ELK4: variants seen among roughly 807,000 people sequenced by gnomAD.
The protein encoded by ELK4 is ETS transcription factor ELK4.
ELK4 carries 16 observed loss-of-function variants against 29.6 expected under a neutral mutation model. The observed-to-expected ratio is 0.54, with a 90% CI of 0.37 to 0.82. The LOEUF is 0.82. Among genes scored for constraint, ELK4 ranks in the 40% least tolerant of loss-of-function variants. ELK4 has a pLI of 0.00. For missense variants in ELK4, 465 were observed against 507.1 expected (o/e 0.92, Z 0.80); for synonymous variants, 213 against 191.1 (o/e 1.11, Z -0.95).
rs1670115188 is a variant in ELK4 at position 205,609,122 on chromosome 1, A to C, written c.*7424T>G. On this transcript the variant is annotated 3_prime_UTR_variant, in exon 5 of 5. Coordinates refer to ENST00000357992, the MANE Select transcript of ELK4 (RefSeq NM_001973.4). ...ATAATCTAACCTAGAGCTATTTCCC[A>C]TTAATCAAACTCATCCCTAATTGTC... 1 of 189,448 alleles carries C rather than the reference A, an allele frequency of 5.3e-6. No homozygotes were observed. The highest frequency in any genetic ancestry group is 1.9e-4 in the South Asian group (1 of 5,138). 11.7% of individuals were successfully genotyped at this position (189,448 alleles called of 1,614,324 possible).
Position 205,620,813 on chromosome 1 carries a change from T to A in ELK4, c.233A>T (p.Gln78Leu), listed in dbSNP as rs1366232764. ...AGAGACAAACTTGTACACAAACTTCTGACCATTCACTTTTTTGATGATATT... is the reference window on the plus strand; with the variant it reads ...AGAGACAAACTTGTACACAAACTTCAGACCATTCACTTTTTTGATGATATT... The part of the protein sequence containing the change: ...VKNIIKKVNG[Q>L]KFVYKFVSYP... Residue 78 changes from glutamine to leucine, a missense_variant, in exon 3 of 5, where the codon CAG becomes CTG. Coordinates refer to ENST00000357992, the MANE Select transcript of ELK4 (RefSeq NM_001973.4). 6.2e-7 allele frequency: 1 copy of A among 1,611,316 alleles called. No homozygotes were observed. Among genetic ancestry groups the A allele is most frequent in the Non-Finnish European group, 8.5e-7 (1 of 1,179,266 alleles).
At position 205,619,998 on chromosome 1, in the gene ELK4, T is replaced by C; in HGVS notation, c.1048A>G (p.Thr350Ala). The C allele has an allele frequency of 6.2e-7, 1 of 1,614,244 alleles. No individual in the cohort carries two copies. The highest frequency in any genetic ancestry group is 8.5e-7 in the Non-Finnish European group (1 of 1,180,048). The change falls in exon 3 of 5, where the codon ACA becomes GCA. Residue 350 changes from threonine (T) to alanine (A), a missense_variant. Physicochemically the swap from Thr to Ala is moderately conservative, Grantham distance 58 (BLOSUM62 0). Transcript: ENST00000357992. ...AAAAATGCTGGTGTAAGAGAAGCTG[T>C]AGGGAGAGATGGGCTCAGTATTCCC... ...PLGILSPSLP[T>A]ASLTPAFFSQ...
chr1:205,627,904 G>A (rs1413831523), intron 1 of ELK4, among the ~76,000 whole-genome samples: 1 of 152,184 alleles, frequency 6.6e-6, no homozygotes, highest in Non-Finnish European at 1.5e-5. Flanking sequence ...AATAATAAAG[G>A]ATAGAAAGGG....
Position 205,615,410 on chromosome 1 carries a change from A to C in ELK4, c.*1136T>G, listed in dbSNP as rs941850720. ...TGTCTCAAAAAAAAAAAAAAAAAAA[A>C]AAAAAGGAAATAAGCACATCTTCGC... On this transcript the variant is annotated 3_prime_UTR_variant, in exon 5 of 5. Coordinates refer to ENST00000357992, the MANE Select transcript of ELK4 (RefSeq NM_001973.4). The C allele has an allele frequency of 4.3e-5, 7 of 162,982 alleles. No homozygotes were observed. The highest frequency in any genetic ancestry group is 8.1e-5 in the Non-Finnish European group (6 of 74,512). 10.1% of individuals were successfully genotyped at this position (162,982 alleles called of 1,614,324 possible).
In ELK4 at chr1:205,609,618, G is replaced by A. The variant is rs1164081559; in HGVS notation, c.*6928C>T. On this transcript the variant is annotated 3_prime_UTR_variant, in exon 5 of 5. Transcript: ENST00000357992. Reference sequence around the variant, plus strand: ...TGTAAGCAATGAATGTACATACAAAGGCCACTGGTTAATACTGCCCCAAGT... The same window carrying A: ...TGTAAGCAATGAATGTACATACAAAAGCCACTGGTTAATACTGCCCCAAGT... 4.9e-6 allele frequency: 1 copy of A among 204,476 alleles called. No homozygotes were observed. The highest frequency in any genetic ancestry group is 1.0e-5 in the Non-Finnish European group (1 of 99,870). 12.7% of individuals were successfully genotyped at this position (204,476 alleles called of 1,614,324 possible). A position where few individuals can be genotyped will look rare whatever the true frequency, so the allele number is the denominator to read the frequency against.
At position 205,612,798 on chromosome 1, in the gene ELK4, A is replaced by C; in HGVS notation, c.*3748T>G. Reference sequence around the variant, plus strand: ...CCTGGAGTTACAGCTCCAGAATTCCAAACCTCTGATTTACTTAAGTCAGTC... The same window carrying C: ...CCTGGAGTTACAGCTCCAGAATTCCCAACCTCTGATTTACTTAAGTCAGTC... On this transcript the variant is annotated 3_prime_UTR_variant, in exon 5 of 5. Transcript: ENST00000357992. The C allele has an allele frequency of 4.8e-6, 1 of 208,536 alleles. No individual in the cohort carries two copies. Among genetic ancestry groups the C allele is most frequent in the Non-Finnish European group, 9.8e-6 (1 of 102,448 alleles). 12.9% of individuals were successfully genotyped at this position (208,536 alleles called of 1,614,324 possible). A position where few individuals can be genotyped will look rare whatever the true frequency, so the allele number is the denominator to read the frequency against.
Position 205,615,950 on chromosome 1 carries a change from AG to A in ELK4, c.*595del. The A allele has an allele frequency of 4.6e-6, 1 of 219,220 alleles. No homozygotes were observed. Among genetic ancestry groups the A allele is most frequent in the Non-Finnish European group, 9.1e-6 (1 of 109,346 alleles). 13.6% of individuals were successfully genotyped at this position (219,220 alleles called of 1,614,324 possible). On this transcript the variant is annotated 3_prime_UTR_variant, in exon 5 of 5. Coordinates refer to ENST00000357992, the MANE Select transcript of ELK4 (RefSeq NM_001973.4). ...AGGTAAACAAGATGCCTTTTCATGG[AG>A]TTGCTTACACGTTATAGTTCACACA...
intron 3 of ELK4, 43 bp from the exon 4 acceptor site, chr1:205,619,116 G>A (rs1442556151): frequency 6.9e-7 from 1 of 1,448,020 alleles, no homozygotes; most frequent in East Asian, 2.4e-5. Flanking sequence ...TGACTTACCA[G>A]GATGTTTTAT....
Position 205,609,403 on chromosome 1 carries a change from A to T in ELK4, c.*7143T>A. The T allele has an allele frequency of 5.2e-6, 1 of 193,062 alleles. No individual in the cohort carries two copies. The highest frequency in any genetic ancestry group is 6.1e-5 in the Admixed American group (1 of 16,380). 12.0% of individuals were successfully genotyped at this position (193,062 alleles called of 1,614,324 possible). A position where few individuals can be genotyped will look rare whatever the true frequency, so the allele number is the denominator to read the frequency against. On this transcript the variant is annotated 3_prime_UTR_variant, in exon 5 of 5. Transcript: ENST00000357992. ...CCCACAAAGATAAATGAAACTGCTC[A>T]AAGGCAAAAATAAAGAAATATAATT... is the stretch of plus-strand genomic sequence containing the variant.
chr1:205,613,743 G>A lies in ELK4; in HGVS notation c.*2803C>T, dbSNP rs1575119816. On this transcript the variant is annotated 3_prime_UTR_variant, in exon 5 of 5. Coordinates refer to ENST00000357992, the MANE Select transcript of ELK4 (RefSeq NM_001973.4). ...TGAGTGGATAGCGACCAGAGCAGAA[G>A]GAAAGCTAAGGTATCAGAGAAGATG... is the stretch of plus-strand genomic sequence containing the variant. 7.7e-6 allele frequency: 1 copy of A among 130,352 alleles called. No individual in the cohort carries two copies. The highest frequency in any genetic ancestry group is 1.5e-5 in the Non-Finnish European group (1 of 65,680). The allele number at this position is 130,352 out of a possible 1,614,324, so 8.1% of individuals were successfully genotyped here.
chr1:205,623,315 T>C (rs1224020791), intron 2 of ELK4, among the ~76,000 whole-genome samples: 2 of 149,206 alleles, frequency 1.3e-5, no homozygotes, highest in East Asian at 1.9e-4. Flanking sequence ...AAGGAATCTT[T>C]TTTTTTTTTT....
At position 205,609,082 on chromosome 1, in the gene ELK4, T is replaced by C. The variant is rs1414409647; in HGVS notation, c.*7464A>G. On this transcript the variant is annotated 3_prime_UTR_variant, in exon 5 of 5. Coordinates refer to ENST00000357992, the MANE Select transcript of ELK4 (RefSeq NM_001973.4). Reference sequence around the variant, plus strand: ...CTGCCACTGTGGTTAAATCACTTGGTGTATGGAATTTAAAATAATCTAACC... The same window carrying C: ...CTGCCACTGTGGTTAAATCACTTGGCGTATGGAATTTAAAATAATCTAACC... 5.3e-6 allele frequency: 1 copy of C among 188,570 alleles called. No homozygotes were observed. The highest frequency in any genetic ancestry group is 1.1e-5 in the Non-Finnish European group (1 of 89,650). 11.7% of individuals were successfully genotyped at this position (188,570 alleles called of 1,614,324 possible). A position where few individuals can be genotyped will look rare whatever the true frequency, so the allele number is the denominator to read the frequency against.
intron 4 of ELK4, among the ~76,000 whole-genome samples, chr1:205,617,671 G>T (rs915672137): frequency 3.9e-5 from 6 of 151,996 alleles, no homozygotes; most frequent in Non-Finnish European, 7.4e-5. Context: ...GGAGGCTGAG[G>T]CGGGCGGATC....
chr1:205,616,995 T>C (rs958624770), intron 4 of ELK4, among the ~76,000 whole-genome samples: 1 of 152,154 alleles, frequency 6.6e-6, no homozygotes, highest in Non-Finnish European at 1.5e-5. Flanking sequence ...AGAGTGTAAT[T>C]CAATTATGGA....
chr1:205,631,201 G>T (rs1295097679), intron 1 of ELK4, among the ~76,000 whole-genome samples: 1 of 152,252 alleles, frequency 6.6e-6, no homozygotes, highest in African/African-American at 2.4e-5. Flanking sequence ...GCGAGCTAGG[G>T]GAGAGGAAGA....
rs768792842 is a variant in ELK4, at chr1:205,623,668, T to A, written c.207+8A>T. The A allele has an allele frequency of 1.9e-6, 3 of 1,613,582 alleles. No individual in the cohort carries two copies. The highest frequency in any genetic ancestry group is 2.5e-6 in the Non-Finnish European group (3 of 1,179,822). On this transcript the variant is annotated splice_region_variant and intron_variant, in intron 2 of 4. Coordinates refer to ENST00000357992, the MANE Select transcript of ELK4 (RefSeq NM_001973.4). ...CTCTGTATAGTATAAGATCAGGATG[T>A]GTACTACCTTTACATAATAGTATCT...
rs1670102655 is a variant in ELK4, at chr1:205,608,270, A to C, written c.*8276T>G. 1 of 194,126 alleles carries C rather than the reference A, an allele frequency of 5.2e-6. No homozygotes were observed. The highest frequency in any genetic ancestry group is 2.3e-5 in the African/African-American group (1 of 43,200). 12.0% of individuals were successfully genotyped at this position (194,126 alleles called of 1,614,324 possible). ...TACTATGTCTGGAGATGCACTGAGT[A>C]TCAACTACACATTTTTTTTTTCAAG... On this transcript the variant is annotated 3_prime_UTR_variant, in exon 5 of 5. Coordinates refer to ENST00000357992, the MANE Select transcript of ELK4 (RefSeq NM_001973.4).
chr1:205,623,691 T>A lies in ELK4; in HGVS notation c.192A>T (p.Arg64Ser). 1 of 1,614,122 alleles carries A rather than the reference T, an allele frequency of 6.2e-7. No individual in the cohort carries two copies. Among genetic ancestry groups the A allele is most frequent in the Non-Finnish European group, 8.5e-7 (1 of 1,179,996 alleles). ...TGTGTACTACCTTTACATAATAGTATCTGAGGGCTCGGCTGAGTTTGTCAT... is the reference window on the plus strand; with the variant it reads ...TGTGTACTACCTTTACATAATAGTAACTGAGGGCTCGGCTGAGTTTGTCAT... Reference protein sequence around the residue: ...MNYDKLSRALRYYYVKNIIKK... With the variant: ...MNYDKLSRALSYYYVKNIIKK... Residue 64 changes from arginine (R) to serine (S), a missense_variant, in exon 2 of 5, where the codon AGA (arginine) becomes AGT (serine). This residue lies in a region of ELK4 where 385 missense variants were observed against 387.5 expected (regional missense o/e 0.99). Coordinates refer to ENST00000357992, the MANE Select transcript of ELK4 (RefSeq NM_001973.4).
At position 205,620,268 on chromosome 1, in the gene ELK4, G is replaced by T. The variant is rs142937236; in HGVS notation, c.778C>A (p.Pro260Thr). ...GGTGTTCTGGGAGGTTCCTGCAAAG[G>T]GGGTATGGACGAAATGGGTGGTGTG... ...ATTPPISSIP[P>T]LQEPPRTPSP... Residue 260 changes from proline to threonine, a missense_variant, in exon 3 of 5, where the codon CCT becomes ACT. This residue lies in a region of ELK4 where 385 missense variants were observed against 387.5 expected (regional missense o/e 0.99). Transcript: ENST00000357992. 26 of 1,614,092 alleles carry T rather than the reference G, an allele frequency of 1.6e-5. No individual in the cohort carries two copies. In the African/African-American group the frequency reaches 2.8e-4, roughly 17 times the overall value.
Sources: gnomAD v4.1 joint callset for allele counts (sites outside exome capture counted in the v4.1 genomes callset) on GRCh38, gnomAD v4.1.1 for gene constraint, gnomAD v4.1.1 regional missense constraint, MANE v1.5 for transcripts, NCBI Gene and HGNC (gene_info 2026-07-23, HGNC 2026-07-21) for gene names.